ADGRB3: variants seen among roughly 807,000 people sequenced by gnomAD.
ADGRB3 encodes the protein adhesion G protein-coupled receptor B3.
ADGRB3 carries 37 observed loss-of-function variants against 193.4 expected under a neutral mutation model. The ratio of observed to expected loss-of-function variants is 0.19; its 90% CI spans 0.15 to 0.25. ADGRB3 has a LOEUF of 0.25. Ranked by LOEUF, ADGRB3 falls within the 10% of genes least tolerant of loss-of-function variation. ADGRB3 has a pLI of 1.00. For synonymous variants in ADGRB3, 690 were observed against 644.2 expected, an observed-to-expected ratio of 1.07 and a Z score of -1.08; for missense variants, 1,637 against 1,852.9, an observed-to-expected ratio of 0.88 and a Z score of 2.14.
At chr6:69,232,336 A>G (rs1486870375) in intron 17 of ADGRB3, 34 of 1,198,984 alleles carry the variant, frequency 2.8e-5, no homozygotes, top group Non-Finnish European at 3.6e-5. Context: ...GTTCTCCCCC[A>G]TCCCCCCCAC....
rs138115630 is a variant in ADGRB3, at chr6:68,796,984, T to C, written c.758-133575T>C. On this transcript the variant is annotated intron_variant, in intron 3 of 31. Transcript: ENST00000370598. The stretch of plus-strand genomic sequence containing the variant: ...GAGACATGAAGTGTATTTGTTTTCC[T>C]AATTTCCTAAGGATTAGTGGTGGTG... 9.3e-4 allele frequency among the ~76,000 whole-genome samples: 142 copies of C among 152,302 alleles called. 1 individual carries two copies. The highest frequency in any genetic ancestry group is 3.3e-3 in the African/African-American group (138 of 41,562).
intron 17 of ADGRB3, among the ~76,000 whole-genome samples, chr6:69,181,273 T>A (rs1487478060): frequency 6.6e-6 from 1 of 152,084 alleles, no homozygotes; most frequent in East Asian, 1.9e-4. Context: ...GAAGCATGCC[T>A]CTAATCACTA....
intron 20 of ADGRB3, among the ~76,000 whole-genome samples, chr6:69,320,148 C>A (rs1401631321): frequency 1.3e-5 from 2 of 151,138 alleles, no homozygotes; most frequent in African/African-American, 4.8e-5. Flanking sequence ...GTATCTCATC[C>A]CTGAGAACAT....
intron 20 of ADGRB3, among the ~76,000 whole-genome samples, chr6:69,299,230 T>A (rs1234729097): frequency 6.6e-6 from 1 of 151,910 alleles, no homozygotes; most frequent in East Asian, 1.9e-4. Flanking sequence ...AATTGGATTA[T>A]CTTGTCTTTT....
rs563232808 is a variant in ADGRB3, at chr6:68,951,378, T to C, written c.1196-4646T>C. Among the ~76,000 whole-genome samples the C allele has an allele frequency of 1.2e-4, 18 of 152,262 alleles. No homozygotes were observed. In the South Asian group the frequency reaches 3.3e-3, roughly 28 times the overall value. On this transcript the variant is annotated intron_variant, in intron 6 of 31. Coordinates refer to ENST00000370598, the MANE Select transcript of ADGRB3 (RefSeq NM_001704.3). ...CTCCTGAGACTGCCTGAGCACTCCC[T>C]ATCACATCGCCCTCTTTATCACGTT...
In ADGRB3 at chr6:69,362,363, ACTATAATTAGTTG is replaced by A. The variant is rs1484926220; in HGVS notation, c.4239+853_4239+865del. 3.3e-5 allele frequency among the ~76,000 whole-genome samples: 5 copies of A among 151,970 alleles called. No individual in the cohort carries two copies. In the Admixed American group the frequency reaches 3.3e-4, roughly 10 times the overall value. On this transcript the variant is annotated intron_variant, in intron 29 of 31. Coordinates refer to ENST00000370598, the MANE Select transcript of ADGRB3 (RefSeq NM_001704.3). ...CATAAAACACTATCTACAGAAAGGC[ACTATAATTAGTTG>A]CCTGCCCTTTCCAACCCAGTTATGC...
chr6:69,096,540 A>G (rs1431680126), intron 17 of ADGRB3, among the ~76,000 whole-genome samples: 1 of 152,006 alleles, frequency 6.6e-6, no homozygotes, highest in Admixed American at 6.6e-5. Context: ...CCATTGTCCT[A>G]TTTTTAAAAG....
chr6:68,996,286 A>G (rs547541154), intron 11 of ADGRB3, among the ~76,000 whole-genome samples: 2 of 151,964 alleles, frequency 1.3e-5, no homozygotes, highest in Non-Finnish European at 1.5e-5. Flanking sequence ...GTCAGCCTCT[A>G]ATTACCTCAG....
intron 13 of ADGRB3, among the ~76,000 whole-genome samples, chr6:69,022,209 T>G (rs1770290358): frequency 6.6e-6 from 1 of 151,824 alleles, no homozygotes; most frequent in Admixed American, 6.6e-5. Flanking sequence ...ATTTTCAATA[T>G]GCCTCTTTTT....
chr6:69,250,302 T>C (rs182942705), intron 20 of ADGRB3, among the ~76,000 whole-genome samples: 4 of 136,242 alleles, frequency 2.9e-5, no homozygotes, highest in Non-Finnish European at 4.6e-5. Context: ...ACAAATTAGT[T>C]CTGCTTTTCT....
intron 17 of ADGRB3, among the ~76,000 whole-genome samples, chr6:69,096,777 C>A (rs1294233803): frequency 6.6e-6 from 1 of 152,128 alleles, no homozygotes; most frequent in African/African-American, 2.4e-5. Flanking sequence ...GATGACAATA[C>A]CTTTCTGACC....
intron 17 of ADGRB3, among the ~76,000 whole-genome samples, chr6:69,119,596 TG>T (rs1311267620): frequency 1.8e-3 from 40 of 22,568 alleles, no homozygotes; most frequent in Admixed American, 0.01. Context: ...TTTGTTTTTG[TG>T]TGTGTGTGTA....
intron 30 of ADGRB3, among the ~76,000 whole-genome samples, chr6:69,380,517 G>A (rs912469156): frequency 4.0e-5 from 6 of 151,892 alleles, no homozygotes; most frequent in Non-Finnish European, 5.9e-5. Context: ...ATTGAAGGGA[G>A]GGGATTCCAG....
At chr6:69,359,687 A>G (rs2127331391) in intron 28 of ADGRB3, among the ~76,000 whole-genome samples, 1 of 152,058 alleles carries the variant, frequency 6.6e-6, no homozygotes, top group East Asian at 1.9e-4. Context: ...AAAAATCAGT[A>G]TATCTGAAAC....
chr6:68,657,127 AC>A (rs1768508464), intron 3 of ADGRB3, among the ~76,000 whole-genome samples: 1 of 151,444 alleles, frequency 6.6e-6, no homozygotes, highest in African/African-American at 2.4e-5. Context: ...CATCAATCAG[AC>A]AAGCAGCCTA....
At chr6:69,226,977 T>C (rs1766031127) in intron 17 of ADGRB3, among the ~76,000 whole-genome samples, 1 of 152,178 alleles carries the variant, frequency 6.6e-6, no homozygotes. Context: ...CATACATATA[T>C]CCAGATTCAG....
intron 10 of ADGRB3, among the ~76,000 whole-genome samples, chr6:68,990,696 A>T (rs139686422): frequency 1.8e-3 from 279 of 152,234 alleles, no homozygotes; most frequent in African/African-American, 6.4e-3. Flanking sequence ...TCAAGATTCA[A>T]TTCTATGTTG....
At chr6:68,911,374 A>G (rs13190995) in intron 3 of ADGRB3, among the ~76,000 whole-genome samples, 42,560 of 151,628 alleles carry the variant, frequency 0.28, 6,797 homozygotes, top group Middle Eastern at 0.5. Flanking sequence ...GTATGTAACA[A>G]ACCTGCACGT....
chr6:69,021,610 C>T (rs1236013059), intron 13 of ADGRB3, among the ~76,000 whole-genome samples: 2 of 151,834 alleles, frequency 1.3e-5, no homozygotes, highest in Non-Finnish European at 3.0e-5. Flanking sequence ...AATGACACCT[C>T]ATGTCTCACC....
Sources: allele counts gnomAD v4.1 joint callset (sites outside exome capture counted in the v4.1 genomes callset), GRCh38; gene constraint gnomAD v4.1.1; transcripts MANE v1.5; gene names NCBI Gene and HGNC (gene_info 2026-07-23, HGNC 2026-07-21).